Variants in IMMP2L observed in about 807,000 individuals in gnomAD.
IMMP2L encodes the protein mitochondrial inner membrane protease subunit 2.
In IMMP2L, 18 loss-of-function variants were observed where a neutral mutation model predicts 19.3. That is an observed-to-expected ratio of 0.93 (90% CI 0.64 to 1.38). The LOEUF is 1.38. Ranked by LOEUF, IMMP2L falls within the 40% of genes most tolerant of loss-of-function variation. The pLI is 0.00. For missense variants in IMMP2L, 233 were observed against 218.2 expected (o/e 1.07, Z -0.43); for synonymous variants, 76 against 73.0 (o/e 1.04, Z -0.21).
In IMMP2L at chr7:111,229,932, C is replaced by T. The variant is rs115889654; in HGVS notation, c.239+257306G>A. ...AGCTTTGGTAAAAATCTCTGTGTTA[C>T]ATTTTCTCAGCTCTTAAATGTAATT... On this transcript the variant is annotated intron_variant, in intron 3 of 5. Coordinates refer to ENST00000405709, the MANE Select transcript of IMMP2L (RefSeq NM_032549.4). Among the ~76,000 whole-genome samples the T allele has an allele frequency of 4.1e-3, 629 of 152,096 alleles. 10 individuals carry two copies. Among genetic ancestry groups the T allele is most frequent in the African/African-American group, 0.015 (608 of 41,508 alleles).
At chr7:111,415,186 T>TA in intron 3 of IMMP2L, among the ~76,000 whole-genome samples, 1 of 151,894 alleles carries the variant, frequency 6.6e-6, no homozygotes, top group East Asian at 1.9e-4. Context: ...AGGAGCCATG[T>TA]AGCAAGGACT....
At chr7:111,346,019 T>C (rs1827503155) in intron 3 of IMMP2L, among the ~76,000 whole-genome samples, 3 of 152,124 alleles carry the variant, frequency 2.0e-5, no homozygotes, top group Non-Finnish European at 4.4e-5. Flanking sequence ...ATTTCAACCA[T>C]TACTGCAAGA....
chr7:111,016,800 TA>T (rs1392958594), intron 3 of IMMP2L, among the ~76,000 whole-genome samples: 2 of 73,838 alleles, frequency 2.7e-5, no homozygotes, highest in Non-Finnish European at 4.8e-5. Context: ...ATATAATATA[TA>T]ATATATACTA....
At position 111,214,936 on chromosome 7, in the gene IMMP2L, A is replaced by T. The variant is rs111933588; in HGVS notation, c.240-251371T>A. ...AAATGCTTACATGTATAAATGAAAA[A>T]CTTCACAGAAAAACTCCAAACTTAA... On this transcript the variant is annotated intron_variant, in intron 3 of 5. Transcript: ENST00000405709. 3.4e-3 allele frequency among the ~76,000 whole-genome samples: 523 copies of T among 152,252 alleles called. 3 individuals are homozygous for T. Among genetic ancestry groups the T allele is most frequent in the African/African-American group, 0.012 (495 of 41,538 alleles).
At chr7:111,160,674 A>C (rs1256989381) in intron 3 of IMMP2L, among the ~76,000 whole-genome samples, 1 of 151,634 alleles carries the variant, frequency 6.6e-6, no homozygotes, top group South Asian at 2.1e-4. Context: ...AGTAAAAATA[A>C]AGGTAATTGA....
At chr7:110,977,385 T>A (rs1820806131) in intron 3 of IMMP2L, among the ~76,000 whole-genome samples, 1 of 151,964 alleles carries the variant, frequency 6.6e-6, no homozygotes, top group Non-Finnish European at 1.5e-5. Context: ...AGAGGCCCCA[T>A]GAACTACTAA....
intron 3 of IMMP2L, among the ~76,000 whole-genome samples, chr7:111,005,780 T>C (rs184479977): frequency 6.6e-6 from 1 of 152,250 alleles, no homozygotes; most frequent in Admixed American, 6.5e-5. Context: ...GAATGCAAGT[T>C]TATTCTTTGA....
intron 5 of IMMP2L, among the ~76,000 whole-genome samples, chr7:110,812,850 T>G (rs1363307061): frequency 6.6e-6 from 1 of 152,044 alleles, no homozygotes; most frequent in Non-Finnish European, 1.5e-5. Flanking sequence ...AGATGATACT[T>G]CTTTATGTAT....
intron 3 of IMMP2L, among the ~76,000 whole-genome samples, chr7:111,250,103 ACAC>A (rs1815915784): frequency 6.6e-6 from 1 of 152,144 alleles, no homozygotes; most frequent in African/African-American, 2.4e-5. Flanking sequence ...ACGTTCCTAT[ACAC>A]CAACAACAGA....
chr7:111,366,887 A>C (rs1360143844), intron 3 of IMMP2L, among the ~76,000 whole-genome samples: 1 of 151,996 alleles, frequency 6.6e-6, no homozygotes, highest in East Asian at 1.9e-4. Context: ...TCACATGATA[A>C]AACCAATGGG....
intron 4 of IMMP2L, among the ~76,000 whole-genome samples, chr7:110,930,746 C>G (rs1057252606): frequency 2.0e-5 from 3 of 152,144 alleles, no homozygotes; most frequent in Admixed American, 6.5e-5. Context: ...TCATACCAAG[C>G]TAGATGAGAA....
rs149537671 is a variant in IMMP2L at position 111,468,225 on chromosome 7, T to C, written c.239+19013A>G. The stretch of plus-strand genomic sequence containing the variant: ...AATCTGCTATATTAGTTTCCAAGTA[T>C]AGAAAGCATATGTGTAAATAAAACA... On this transcript the variant is annotated intron_variant, in intron 3 of 5. Transcript: ENST00000405709. 3.5e-3 allele frequency among the ~76,000 whole-genome samples: 530 copies of C among 152,250 alleles called. 7 individuals are homozygous for C. Among genetic ancestry groups the C allele is most frequent in the African/African-American group, 0.012 (511 of 41,562 alleles).
intron 4 of IMMP2L, among the ~76,000 whole-genome samples, chr7:110,915,199 C>G (rs1171243836): frequency 1.3e-5 from 2 of 152,168 alleles, no homozygotes; most frequent in African/African-American, 4.8e-5. Context: ...AAGTGTCCAT[C>G]TATAGATTAT....
At chr7:111,290,298 C>T (rs1820943396) in intron 3 of IMMP2L, among the ~76,000 whole-genome samples, 1 of 151,992 alleles carries the variant, frequency 6.6e-6, no homozygotes. Context: ...TCACCCTTTA[C>T]AAAAATCCCT....
At chr7:111,484,652 A>G (rs533242087) in intron 3 of IMMP2L, among the ~76,000 whole-genome samples, 1 of 152,310 alleles carries the variant, frequency 6.6e-6, no homozygotes, top group East Asian at 1.9e-4. Flanking sequence ...AGAAAAGCAA[A>G]TATTCAATAT....
At chr7:110,722,674 G>A (rs891347860) in intron 5 of IMMP2L, among the ~76,000 whole-genome samples, 2 of 151,924 alleles carry the variant, frequency 1.3e-5, no homozygotes, top group Non-Finnish European at 2.9e-5. Flanking sequence ...ATGTTATTAC[G>A]AGTTTAAATG....
At chr7:111,157,380 A>C (rs927114342) in intron 3 of IMMP2L, among the ~76,000 whole-genome samples, 4 of 152,152 alleles carry the variant, frequency 2.6e-5, no homozygotes, top group Non-Finnish European at 4.4e-5. Context: ...TACACAGTGG[A>C]GTACTCTTCA....
intron 5 of IMMP2L, among the ~76,000 whole-genome samples, chr7:110,735,681 T>TACACAC (rs3051068): frequency 0.022 from 2,533 of 114,774 alleles, 69 homozygotes; most frequent in African/African-American, 0.055. Context: ...AGTAGACAAA[T>TACACAC]ACACACACAC....
At chr7:110,995,102 G>A (rs137899494) in intron 3 of IMMP2L, among the ~76,000 whole-genome samples, 1 of 152,162 alleles carries the variant, frequency 6.6e-6, no homozygotes, top group East Asian at 1.9e-4. Context: ...CAACTAACAT[G>A]AATATTAGTC....
Sources: allele counts gnomAD v4.1 joint callset (sites outside exome capture counted in the v4.1 genomes callset), GRCh38; gene constraint gnomAD v4.1.1; transcripts MANE v1.5; gene names NCBI Gene and HGNC (gene_info 2026-07-23, HGNC 2026-07-21).